The following LRFN5 variants were observed in gnomAD, a reference collection of about 807,000 sequenced individuals.
The protein encoded by LRFN5 is leucine rich repeat and fibronectin type III domain containing 5, also known as leucine-rich repeat and fibronectin type-III domain-containing protein 5.
A neutral mutation model predicts 45.6 loss-of-function variants in LRFN5; 24 were observed. The observed-to-expected ratio is 0.53, with a 90% CI of 0.38 to 0.74. The LOEUF is 0.74. Among genes scored for constraint, LRFN5 ranks in the 30% least tolerant of loss-of-function variants. LRFN5 has a pLI of 0.00. For missense variants in LRFN5, 776 were observed against 861.5 expected, an observed-to-expected ratio of 0.90 and a Z score of 1.24; for synonymous variants, 340 against 313.8, an observed-to-expected ratio of 1.08 and a Z score of -0.88.
chr14:41,812,824 A>C (rs547869090), intron 2 of LRFN5, among the ~76,000 whole-genome samples: 102 of 152,232 alleles, frequency 6.7e-4, no homozygotes, highest in African/African-American at 2.4e-3. Flanking sequence ...AAATTATTTC[A>C]GGAGAGAACA....
chr14:41,739,969 C>T (rs1474070703), intron 1 of LRFN5, among the ~76,000 whole-genome samples: 1 of 151,694 alleles, frequency 6.6e-6, no homozygotes, highest in Non-Finnish European at 1.5e-5. Context: ...TTCCTAGAAA[C>T]ATGTAATGTA....
chr14:41,847,115 A>C (rs2139067395), intron 2 of LRFN5, among the ~76,000 whole-genome samples: 1 of 152,254 alleles, frequency 6.6e-6, no homozygotes, highest in East Asian at 1.9e-4. Flanking sequence ...ACATATCAAG[A>C]CAGGACTAAT....
intron 1 of LRFN5, among the ~76,000 whole-genome samples, chr14:41,762,990 T>G (rs528258013): frequency 6.6e-6 from 1 of 152,298 alleles, no homozygotes; most frequent in South Asian, 2.1e-4. Context: ...ATTTGATGGA[T>G]TCATAATTTT....
At chr14:41,667,799 T>C (rs1880973502) in intron 1 of LRFN5, among the ~76,000 whole-genome samples, 1 of 152,178 alleles carries the variant, frequency 6.6e-6, no homozygotes, top group Non-Finnish European at 1.5e-5. Flanking sequence ...TTCTTCCCAA[T>C]GCTGAATCAC....
At chr14:41,813,800 T>A (rs550083852) in intron 2 of LRFN5, among the ~76,000 whole-genome samples, 21 of 152,238 alleles carry the variant, frequency 1.4e-4, no homozygotes, top group African/African-American at 4.8e-4. Flanking sequence ...CTAATTTACA[T>A]CCCCACCAAC....
chr14:41,675,162 G>A (rs984858094), intron 1 of LRFN5, among the ~76,000 whole-genome samples: 3 of 151,472 alleles, frequency 2.0e-5, no homozygotes, highest in Non-Finnish European at 4.4e-5. Flanking sequence ...CAGACGATGG[G>A]CAGCCAGGCA....
chr14:41,764,385 G>C (rs962928677), intron 1 of LRFN5, among the ~76,000 whole-genome samples: 2 of 151,980 alleles, frequency 1.3e-5, no homozygotes, highest in African/African-American at 4.8e-5. Flanking sequence ...CATGTTTTAT[G>C]GTAGCTGGCA....
intron 2 of LRFN5, among the ~76,000 whole-genome samples, chr14:41,877,690 C>T (rs1890235220): frequency 6.6e-6 from 1 of 151,814 alleles, no homozygotes; most frequent in Non-Finnish European, 1.5e-5. Context: ...ATATTAAGAA[C>T]TCAGAAACCC....
At position 41,894,665 on chromosome 14, in the gene LRFN5, G is replaced by C. The variant is rs1318114853; in HGVS notation, c.2098+2703G>C. 6.1e-6 allele frequency: 6 copies of C among 985,034 alleles called. No homozygotes were observed. The African/African-American group carries it at 8.7e-5, about 14-fold the overall frequency. 61.0% of individuals were successfully genotyped at this position (985,034 alleles called of 1,614,324 possible). A position where few individuals can be genotyped will look rare whatever the true frequency, so the allele number is the denominator to read the frequency against. On this transcript the variant is annotated intron_variant, in intron 4 of 5. Transcript: ENST00000298119. ...GACTGAAAAGTAAGTCTACAGAAAAGGTGGGAATGATATTACCTATCATGA... is the reference window on the plus strand; with the variant it reads ...GACTGAAAAGTAAGTCTACAGAAAACGTGGGAATGATATTACCTATCATGA...
chr14:41,841,600 T>A (rs982681341), intron 2 of LRFN5, among the ~76,000 whole-genome samples: 1 of 151,962 alleles, frequency 6.6e-6, no homozygotes, highest in African/African-American at 2.4e-5. Context: ...TCAGAATTTC[T>A]TGACGAATCC....
intron 1 of LRFN5, 33 bp from the exon 2 acceptor site, chr14:41,766,821 T>A (rs1231264360): frequency 1.3e-5 from 2 of 152,608 alleles, no homozygotes; most frequent in African/African-American, 4.8e-5. Flanking sequence ...CATTTTTTGA[T>A]ACACTCTTTT....
chr14:41,825,822 C>T (rs1160107536), intron 2 of LRFN5, among the ~76,000 whole-genome samples: 1 of 152,162 alleles, frequency 6.6e-6, no homozygotes, highest in Admixed American at 6.5e-5. Flanking sequence ...TCGCCACCCA[C>T]ACCAGTGCTT....
chr14:41,659,901 T>G (rs1183337492), intron 1 of LRFN5, among the ~76,000 whole-genome samples: 1 of 151,908 alleles, frequency 6.6e-6, no homozygotes, highest in African/African-American at 2.4e-5. Flanking sequence ...TGTTTTTTTT[T>G]TTTTTTGTAA....
chr14:41,830,256 T>A (rs1210515109), intron 2 of LRFN5, among the ~76,000 whole-genome samples: 2 of 151,984 alleles, frequency 1.3e-5, no homozygotes, highest in Non-Finnish European at 2.9e-5. Context: ...TTGTTGTTTT[T>A]GATATTGCAA....
chr14:41,803,622 C>T (rs1240153178), intron 2 of LRFN5, among the ~76,000 whole-genome samples: 1 of 151,796 alleles, frequency 6.6e-6, no homozygotes, highest in East Asian at 1.9e-4. Context: ...GATGGGATTA[C>T]AGGGATGAGC....
At chr14:41,740,751 A>T (rs1474858222) in intron 1 of LRFN5, among the ~76,000 whole-genome samples, 2 of 151,956 alleles carry the variant, frequency 1.3e-5, no homozygotes, top group Non-Finnish European at 2.9e-5. Flanking sequence ...AAAGGAAAAA[A>T]AGAAGTGAAA....
intron 1 of LRFN5, among the ~76,000 whole-genome samples, chr14:41,664,779 T>C (rs1384092129): frequency 6.6e-6 from 1 of 152,092 alleles, no homozygotes; most frequent in Non-Finnish European, 1.5e-5. Flanking sequence ...TTTTCTACTC[T>C]GAGAGAGTTC....
intron 1 of LRFN5, among the ~76,000 whole-genome samples, chr14:41,718,369 A>G (rs11628431): frequency 0.25 from 37,554 of 152,148 alleles, 5,090 homozygotes; most frequent in South Asian, 0.4. Context: ...AAATTAGCCA[A>G]CTATACCATT....
chr14:41,828,779 T>C (rs1888380055), intron 2 of LRFN5, among the ~76,000 whole-genome samples: 1 of 151,964 alleles, frequency 6.6e-6, no homozygotes, highest in South Asian at 2.1e-4. Context: ...GTTATAACTT[T>C]CTCCAATCTC....
Sources: allele counts gnomAD v4.1 joint callset (sites outside exome capture counted in the v4.1 genomes callset), GRCh38; gene constraint gnomAD v4.1.1; transcripts MANE v1.5; gene names NCBI Gene and HGNC (gene_info 2026-07-23, HGNC 2026-07-21).